Variants in KSR2 observed in about 807,000 individuals in gnomAD.
KSR2 encodes the protein kinase suppressor of ras 2.
KSR2 carries 25 observed loss-of-function variants against 107.8 expected under a neutral mutation model. The ratio of observed to expected loss-of-function variants is 0.23; its 90% confidence interval spans 0.17 to 0.32. The LOEUF (loss-of-function observed/expected upper bound fraction) is 0.32. KSR2 is among the 10% of genes least tolerant of loss of function. The pLI, the probability that KSR2 is intolerant of heterozygous loss-of-function variation, is 1.00. For missense variants in KSR2, 887 were observed against 1,268.9 expected (o/e 0.70, Z 4.57); for synonymous variants, 480 against 507.0 (o/e 0.95, Z 0.71).
intron 3 of KSR2, among the ~76,000 whole-genome samples, chr12:117,765,109 G>T (rs1413540643): frequency 5.3e-5 from 8 of 152,220 alleles, no homozygotes; most frequent in African/African-American, 1.2e-4. Flanking sequence ...AGCTAAATAG[G>T]TCTAAGAGCC....
chr12:117,648,362 G>A (rs969077834), intron 5 of KSR2, among the ~76,000 whole-genome samples: 1 of 152,086 alleles, frequency 6.6e-6, no homozygotes, highest in African/African-American at 2.4e-5. Flanking sequence ...ACCATTGTCC[G>A]ACACCAACTG....
intron 3 of KSR2, among the ~76,000 whole-genome samples, chr12:117,790,260 T>C (rs1890209147): frequency 6.6e-6 from 1 of 152,196 alleles, no homozygotes; most frequent in South Asian, 2.1e-4. Context: ...ATTTTGCTTT[T>C]ATGTATTTCA....
At chr12:117,874,993 C>G (rs1454079375) in intron 1 of KSR2, among the ~76,000 whole-genome samples, 2 of 152,130 alleles carry the variant, frequency 1.3e-5, no homozygotes, top group African/African-American at 4.8e-5. Context: ...GAGCTGGAGC[C>G]CGGAGGTGTA....
intron 1 of KSR2, among the ~76,000 whole-genome samples, chr12:117,922,620 T>C (rs1255268205): frequency 2.6e-5 from 4 of 152,170 alleles, no homozygotes; most frequent in African/African-American, 9.7e-5. Flanking sequence ...AGTGCTCTGC[T>C]GAGAAAGAAC....
intron 4 of KSR2, among the ~76,000 whole-genome samples, chr12:117,691,059 C>G (rs1226217655): frequency 6.6e-6 from 1 of 152,180 alleles, no homozygotes; most frequent in Non-Finnish European, 1.5e-5. Context: ...AACACAGGGA[C>G]AGGGCTTCAA....
chr12:117,732,578 C>A, intron 4 of KSR2, among the ~76,000 whole-genome samples: 1 of 152,202 alleles, frequency 6.6e-6, no homozygotes, highest in East Asian at 1.9e-4. Flanking sequence ...GTGTGAGCCA[C>A]AGCGCCTGGC....
chr12:117,539,855 G>A lies in KSR2; in HGVS notation c.1551C>T (p.Ser517=). 1.2e-6 allele frequency: 2 copies of A among 1,610,754 alleles called. No individual in the cohort carries two copies. Among genetic ancestry groups the A allele is most frequent in the East Asian group, 4.5e-5 (2 of 44,548 alleles). ...ACGTCGTGGAGGAGGGGTTGCTGCT[G>A]GAGTCTGGCTGGTAAGGGACAGGGA... The part of the protein sequence containing the change: ...DHIPVPYQPD[S]SSNPSSTTSS... Residue 517 remains serine, a synonymous_variant, in exon 10 of 20, where the codon TCC becomes TCT. Transcript: ENST00000339824.
In KSR2 at chr12:117,768,404, G is replaced by A. The variant is rs76818573; in HGVS notation, c.473-6880C>T. ...CTGGAGCCCAGTGTGCCAGACCAGG[G>A]TGCAAAGGACAATGGTGAGTGTGGG... is the stretch of plus-strand genomic sequence containing the variant. On this transcript the variant is annotated intron_variant, in intron 3 of 19. Coordinates refer to ENST00000339824, the MANE Select transcript of KSR2 (RefSeq NM_173598.6). 8.7e-3 allele frequency among the ~76,000 whole-genome samples: 1,323 copies of A among 152,312 alleles called. 18 individuals carry two copies. Among genetic ancestry groups the A allele is most frequent in the African/African-American group, 0.031 (1,277 of 41,560 alleles).
At chr12:117,719,935 CT>C (rs1458612984) in intron 4 of KSR2, among the ~76,000 whole-genome samples, 3 of 152,206 alleles carry the variant, frequency 2.0e-5, no homozygotes, top group Non-Finnish European at 2.9e-5. Flanking sequence ...CCCTCAATGT[CT>C]TTTTCCAAGT....
At chr12:117,529,239 CAG>C (rs1368077790) in intron 12 of KSR2, among the ~76,000 whole-genome samples, 10 of 152,176 alleles carry the variant, frequency 6.6e-5, no homozygotes, top group Admixed American at 4.6e-4. Context: ...CTTCTTTAGA[CAG>C]AGTCTCCCTC....
At chr12:117,891,416 C>CA (rs147563190) in intron 1 of KSR2, among the ~76,000 whole-genome samples, 9,501 of 135,536 alleles carry the variant, frequency 0.07, 349 homozygotes, top group Middle Eastern at 0.13. Context: ...GACTCCATCT[C>CA]AAAAAAAAAA....
chr12:117,881,803 C>T (rs1328273421), intron 1 of KSR2, among the ~76,000 whole-genome samples: 4 of 152,180 alleles, frequency 2.6e-5, no homozygotes, highest in Non-Finnish European at 5.9e-5. Flanking sequence ...GAGCCATAGG[C>T]CAAGGTTGAG....
At chr12:117,788,971 G>C (rs764402) in intron 3 of KSR2, among the ~76,000 whole-genome samples, 1 of 152,000 alleles carries the variant, frequency 6.6e-6, no homozygotes, top group East Asian at 1.9e-4. Flanking sequence ...TTAAAACAAC[G>C]TTAGGCTCCA....
intron 3 of KSR2, among the ~76,000 whole-genome samples, chr12:117,830,061 A>G (rs1347415659): frequency 1.3e-5 from 2 of 152,152 alleles, no homozygotes; most frequent in African/African-American, 4.8e-5. Flanking sequence ...TGAGGTCAGG[A>G]GTTCGAGACC....
At chr12:117,640,573 G>A (rs1883309737) in intron 5 of KSR2, among the ~76,000 whole-genome samples, 1 of 152,116 alleles carries the variant, frequency 6.6e-6, no homozygotes, top group African/African-American at 2.4e-5. Context: ...CTTTTAACTG[G>A]GAAAATAGTT....
At chr12:117,680,512 T>C (rs1257872126) in intron 4 of KSR2, among the ~76,000 whole-genome samples, 2 of 152,158 alleles carry the variant, frequency 1.3e-5, no homozygotes, top group Non-Finnish European at 2.9e-5. Context: ...AGATGATGCA[T>C]TGTTCTGCAA....
chr12:117,795,484 C>G (rs1043694832), intron 3 of KSR2, among the ~76,000 whole-genome samples: 5 of 152,104 alleles, frequency 3.3e-5, no homozygotes, highest in African/African-American at 1.2e-4. Flanking sequence ...GTCAGGACAC[C>G]AAGACCCTCT....
intron 1 of KSR2, among the ~76,000 whole-genome samples, chr12:117,866,908 T>G (rs1357705500): frequency 6.6e-6 from 1 of 152,134 alleles, no homozygotes; most frequent in African/African-American, 2.4e-5. Flanking sequence ...GGTATCAAAC[T>G]GATGCATTTG....
intron 4 of KSR2, among the ~76,000 whole-genome samples, chr12:117,743,619 C>T (rs1181083465): frequency 6.6e-6 from 1 of 152,214 alleles, no homozygotes; most frequent in Admixed American, 6.5e-5. Flanking sequence ...CTCTATCTTG[C>T]AGAGAAGGAA....
Sources: allele counts gnomAD v4.1 joint callset (sites outside exome capture counted in the v4.1 genomes callset), GRCh38; gene constraint gnomAD v4.1.1; transcripts MANE v1.5; gene names NCBI Gene and HGNC (gene_info 2026-07-23, HGNC 2026-07-21).